Variants in FBXO21 observed in about 807,000 individuals in gnomAD.
FBXO21 encodes the protein F-box protein 21.
In FBXO21, 32 loss-of-function variants were observed where a neutral mutation model predicts 76.6. The observed-to-expected ratio is 0.42, with a 90% CI of 0.32 to 0.56. FBXO21 has a LOEUF of 0.56. FBXO21 is among the 20% of genes least tolerant of loss of function. The pLI is 0.16. For missense variants in FBXO21, 586 were observed against 797.3 expected (o/e 0.73, Z 3.19); for synonymous variants, 328 against 311.5 (o/e 1.05, Z -0.56).
chr12:117,186,590 C>T lies in FBXO21; in HGVS notation c.376-19G>A. 1 of 1,511,926 alleles carries T rather than the reference C, an allele frequency of 6.6e-7. No individual in the cohort carries two copies. The highest frequency in any genetic ancestry group is 9.1e-7 in the Non-Finnish European group (1 of 1,096,626). 93.7% of individuals were successfully genotyped at this position (1,511,926 alleles called of 1,614,324 possible). A position where few individuals can be genotyped will look rare whatever the true frequency, so the allele number is the denominator to read the frequency against. ...AAGGAACCTATGAAGAAGACATATA[C>T]AAGTAGGCCTCAATTATGAGTATTG... is the stretch of plus-strand genomic sequence containing the variant. On this transcript the variant is annotated intron_variant, in intron 2 of 11. Transcript: ENST00000622495.
chr12:117,167,845 C>G (rs1001194935), intron 7 of FBXO21, among the ~76,000 whole-genome samples: 6 of 152,208 alleles, frequency 3.9e-5, no homozygotes, highest in African/African-American at 1.2e-4. Context: ...GAGCCCATCA[C>G]AGCCTTGGGC....
intron 3 of FBXO21, among the ~76,000 whole-genome samples, chr12:117,183,388 T>C (rs1022208708): frequency 7.2e-5 from 11 of 152,098 alleles, no homozygotes; most frequent in African/African-American, 2.7e-4. Context: ...GCCTCCCCAG[T>C]AGCTGGGATT....
rs1955735167 is a variant in FBXO21 at position 117,143,343 on chromosome 12, GACTTTGTTTAACCT to G, written c.*2730_*2743del. The G allele has an allele frequency of 6.6e-6, 1 of 152,142 alleles. No homozygotes were observed. The highest frequency in any genetic ancestry group is 2.4e-5 in the African/African-American group (1 of 41,424). The allele number at this position is 152,142 out of a possible 1,614,324, so 9.4% of individuals were successfully genotyped here. Reference sequence around the variant, plus strand: ...GAGAAACACCACCATAGAGTCAATTGACTTTGTTTAACCTATAACCTTTTTTCCTCCCACATAGT... The same window carrying G: ...GAGAAACACCACCATAGAGTCAATTGATAACCTTTTTTCCTCCCACATAGT... On this transcript the variant is annotated 3_prime_UTR_variant, in exon 12 of 12. Transcript: ENST00000622495.
chr12:117,165,047 T>C (rs1956036183), intron 9 of FBXO21, among the ~76,000 whole-genome samples: 2 of 152,238 alleles, frequency 1.3e-5, no homozygotes, highest in African/African-American at 4.8e-5. Context: ...AGTCCTTCTC[T>C]AGTCCAGTGG....
At chr12:117,187,935 G>A (rs1318008457) in intron 2 of FBXO21, among the ~76,000 whole-genome samples, 3 of 152,194 alleles carry the variant, frequency 2.0e-5, no homozygotes, top group Non-Finnish European at 4.4e-5. Context: ...AATATTTATA[G>A]AAACCAATTA....
rs148699613 is a variant in FBXO21 at position 117,180,547 on chromosome 12, C to T, written c.471-2906G>A. The stretch of plus-strand genomic sequence containing the variant: ...AGGTGGTAAAATTAGAATATCACAT[C>T]GTTATTCATTTACTTCATTCCACAT... On this transcript the variant is annotated intron_variant, in intron 3 of 11. Transcript: ENST00000622495. 7.8e-3 allele frequency among the ~76,000 whole-genome samples: 1,181 copies of T among 152,276 alleles called. 7 individuals are homozygous for T. Among genetic ancestry groups the T allele is most frequent in the Non-Finnish European group, 0.013 (902 of 68,022 alleles).
intron 7 of FBXO21, 115 bp downstream of exon 7, chr12:117,172,356 A>T (rs1956126206): frequency 6.2e-6 from 7 of 1,120,618 alleles, no homozygotes; most frequent in Non-Finnish European, 9.0e-6. Flanking sequence ...TCACCACCCT[A>T]GTCCTATTTT....
At chr12:117,166,797 C>T (rs934352753) in intron 8 of FBXO21, 101 bp downstream of exon 8, 8 of 970,296 alleles carry the variant, frequency 8.2e-6, no homozygotes, top group South Asian at 7.7e-5. Flanking sequence ...GGGTCTACTG[C>T]AAAGATCTCA....
intron 3 of FBXO21, among the ~76,000 whole-genome samples, chr12:117,183,380 C>T (rs1326452824): frequency 6.6e-6 from 1 of 152,112 alleles, no homozygotes; most frequent in Non-Finnish European, 1.5e-5. Flanking sequence ...CTGCCTCAGC[C>T]TCCCCAGTAG....
chr12:117,152,027 C>T (rs1314454535), intron 11 of FBXO21, among the ~76,000 whole-genome samples: 1 of 151,126 alleles, frequency 6.6e-6, no homozygotes, highest in Non-Finnish European at 1.5e-5. Context: ...CCTGATGAGA[C>T]CCAGTGGGAA....
chr12:117,187,858 A>C (rs1475145173), intron 2 of FBXO21, among the ~76,000 whole-genome samples: 1 of 152,232 alleles, frequency 6.6e-6, no homozygotes, highest in Non-Finnish European at 1.5e-5. Context: ...TGTGATTATG[A>C]ATGCTTTTAG....
intron 4 of FBXO21, among the ~76,000 whole-genome samples, chr12:117,177,261 C>T (rs1417769998): frequency 6.6e-6 from 1 of 152,158 alleles, no homozygotes; most frequent in Admixed American, 6.5e-5. Context: ...TAAAGTATCA[C>T]TCTCACATTT....
rs1363454220 is a variant in FBXO21, at chr12:117,144,077, A to C, written c.*2010T>G. ...GAGCCCCATGAAGCATTCATGAAGA[A>C]AGACATTTAAAAACAGTCTAGATAC... On this transcript the variant is annotated 3_prime_UTR_variant, in exon 12 of 12. Coordinates refer to ENST00000622495, the MANE Select transcript of FBXO21 (RefSeq NM_015002.3). The C allele has an allele frequency of 1.3e-5, 2 of 152,624 alleles. No individual in the cohort carries two copies. The allele number at this position is 152,624 out of a possible 1,614,324, so 9.5% of individuals were successfully genotyped here.
In FBXO21 at chr12:117,146,090, C is replaced by T. The variant is rs1191851637; in HGVS notation, c.1863G>A (p.Glu621=). 8.2e-6 allele frequency: 13 copies of T among 1,591,470 alleles called. No homozygotes were observed. Among genetic ancestry groups the T allele is most frequent in the South Asian group, 5.8e-5 (5 of 86,094 alleles). ...IYSAKKENID[E] Reference sequence around the variant, plus strand: ...GGTGCAATGTCCTCTCTAGACTTTACTCATCTATGTTCTCTTTCTTTGCAC... The same window carrying T: ...GGTGCAATGTCCTCTCTAGACTTTATTCATCTATGTTCTCTTTCTTTGCAC... Residue 621 remains glutamate (E), a synonymous_variant, in exon 12 of 12, where the codon GAG becomes GAA. Coordinates refer to ENST00000622495, the MANE Select transcript of FBXO21 (RefSeq NM_015002.3).
chr12:117,143,648 C>G lies in FBXO21; in HGVS notation c.*2439G>C, dbSNP rs926029360. On this transcript the variant is annotated 3_prime_UTR_variant, in exon 12 of 12. Transcript: ENST00000622495. ...GGTCATGGTTTACAGGTAGGCTGTC[C>G]GCTCACCAATGCTCAGAAAAATTCA... The G allele has an allele frequency of 4.6e-5, 7 of 152,608 alleles. No homozygotes were observed. The highest frequency in any genetic ancestry group is 3.9e-4 in the East Asian group (2 of 5,186). 9.5% of individuals were successfully genotyped at this position (152,608 alleles called of 1,614,324 possible). A position where few individuals can be genotyped will look rare whatever the true frequency, so the allele number is the denominator to read the frequency against.
intron 3 of FBXO21, 27 bp downstream of exon 3, chr12:117,186,447 AAAC>A: frequency 6.8e-7 from 1 of 1,467,108 alleles, no homozygotes; most frequent in Non-Finnish European, 9.5e-7. Context: ...TTATTAAAGC[AAAC>A]AAATCCCTGC....
At chr12:117,184,221 CA>C (rs1956261695) in intron 3 of FBXO21, among the ~76,000 whole-genome samples, 1 of 151,964 alleles carries the variant, frequency 6.6e-6, no homozygotes. Context: ...CCACCCCCAA[CA>C]AAAATACTTT....
intron 9 of FBXO21, among the ~76,000 whole-genome samples, chr12:117,163,785 C>A (rs1956014205): frequency 6.6e-6 from 1 of 151,072 alleles, no homozygotes; most frequent in East Asian, 2.0e-4. Flanking sequence ...TCTACTAAAA[C>A]AAATACAAAA....
intron 9 of FBXO21, among the ~76,000 whole-genome samples, chr12:117,162,913 T>C (rs1009216404): frequency 2.0e-5 from 3 of 152,092 alleles, no homozygotes; most frequent in Admixed American, 6.6e-5. Flanking sequence ...TCTGAAGTTG[T>C]TTTTCATTTT....
Sources: gnomAD v4.1 joint callset for allele counts (sites outside exome capture counted in the v4.1 genomes callset) on GRCh38, gnomAD v4.1.1 for gene constraint, MANE v1.5 for transcripts, NCBI Gene and HGNC (gene_info 2026-07-23, HGNC 2026-07-21) for gene names.